Variants in SCMH1 observed in about 807,000 individuals in gnomAD.
SCMH1 encodes the protein polycomb protein SCMH1.
Under a neutral mutation model 70.8 loss-of-function variants are expected in SCMH1, and 37 were observed. The observed-to-expected ratio is 0.52, with a 90% confidence interval of 0.40 to 0.69. The LOEUF (loss-of-function observed/expected upper bound fraction) is 0.69. Ranked by LOEUF, SCMH1 falls within the 30% of genes least tolerant of loss-of-function variation. The probability of loss-of-function intolerance (pLI) is 0.00; values close to 1 mark genes in which losing one functional copy is unlikely to be tolerated. For missense variants in SCMH1, 607 were observed against 827.3 expected (o/e 0.73, Z 3.27); for synonymous variants, 292 against 307.4 (o/e 0.95, Z 0.52).
At chr1:41,071,677 T>TA (rs1047737640) in intron 9 of SCMH1, among the ~76,000 whole-genome samples, 3 of 151,754 alleles carry the variant, frequency 2.0e-5, no homozygotes, top group African/African-American at 7.3e-5. Context: ...AAGCCTTTTT[T>TA]TTTGAGACAG....
At chr1:41,179,640 T>A (rs186113385) in intron 2 of SCMH1, among the ~76,000 whole-genome samples, 42 of 152,228 alleles carry the variant, frequency 2.8e-4, no homozygotes, top group African/African-American at 9.9e-4. Flanking sequence ...CCTCGACACA[T>A]ACACCCTCCC....
chr1:41,053,609 C>T (rs961207342), intron 10 of SCMH1, among the ~76,000 whole-genome samples: 2 of 152,184 alleles, frequency 1.3e-5, no homozygotes, highest in African/African-American at 4.8e-5. Flanking sequence ...CCAGGCCTGC[C>T]CACATTGTTG....
At chr1:41,034,502 T>A (rs1571207938) in intron 13 of SCMH1, among the ~76,000 whole-genome samples, 1 of 152,044 alleles carries the variant, frequency 6.6e-6, no homozygotes, top group East Asian at 1.9e-4. Flanking sequence ...TAATTTTTTG[T>A]ATTTTCAATA....
At chr1:41,095,075 C>T (rs142114141) in intron 8 of SCMH1, among the ~76,000 whole-genome samples, 81 of 152,166 alleles carry the variant, frequency 5.3e-4, no homozygotes, top group African/African-American at 2.0e-3. Context: ...GATAAATTAT[C>T]GCTACCAGTT....
rs576516829 is a variant in SCMH1 at position 41,037,802 on chromosome 1, T to C, written c.1499-261A>G. Among the ~76,000 whole-genome samples, 323 of 152,356 alleles carry C rather than the reference T, an allele frequency of 2.1e-3. 2 individuals are homozygous for C. Among genetic ancestry groups the C allele is most frequent in the Non-Finnish European group, 3.3e-3 (225 of 68,034 alleles). ...GAGGCTTTTTCTGGTCTAGATGCCC[T>C]ATGCTTTTTCTTGATAAGGAACATC... is the stretch of plus-strand genomic sequence containing the variant. On this transcript the variant is annotated intron_variant, in intron 12 of 14. Coordinates refer to ENST00000337495, the Ensembl canonical transcript of SCMH1.
intron 8 of SCMH1, among the ~76,000 whole-genome samples, chr1:41,098,225 A>T (rs765074700): frequency 3.3e-5 from 5 of 152,224 alleles, no homozygotes; most frequent in African/African-American, 4.8e-5. Flanking sequence ...CATAAACTGA[A>T]ACTTTTAAAT....
intron 8 of SCMH1, among the ~76,000 whole-genome samples, chr1:41,104,983 T>C (rs1323548762): frequency 6.6e-6 from 1 of 152,144 alleles, no homozygotes; most frequent in African/African-American, 2.4e-5. Context: ...GAGATGGAGT[T>C]TCACTCTTGT....
chr1:41,198,215 T>G (rs1386108395), intron 1 of SCMH1, among the ~76,000 whole-genome samples: 1 of 152,186 alleles, frequency 6.6e-6, no homozygotes, highest in Non-Finnish European at 1.5e-5. Context: ...TCACAGTCCA[T>G]TCTTTGTCTC....
At chr1:41,079,028 G>T (rs1659179770) in intron 8 of SCMH1, among the ~76,000 whole-genome samples, 1 of 152,150 alleles carries the variant, frequency 6.6e-6, no homozygotes. Context: ...TGCATTATTT[G>T]GGAGTAGTTA....
intron 10 of SCMH1, among the ~76,000 whole-genome samples, chr1:41,067,162 C>T (rs1254289359): frequency 1.3e-5 from 2 of 152,014 alleles, no homozygotes; most frequent in African/African-American, 2.4e-5. Context: ...AATGAGCTAT[C>T]GGCCAGGCGT....
chr1:41,220,977 A>T (rs912586934), intron 1 of SCMH1, among the ~76,000 whole-genome samples: 1 of 147,156 alleles, frequency 6.8e-6, no homozygotes. Context: ...CTTTAGTCTC[A>T]TCTTTTTTAA....
At chr1:41,155,984 C>CAAAAAAAAAA (rs386366781) in intron 4 of SCMH1, among the ~76,000 whole-genome samples, 74 of 74,626 alleles carry the variant, frequency 9.9e-4, no homozygotes, top group African/African-American at 4.3e-3. Flanking sequence ...GACTCCGTCT[C>CAAAAAAAAAA]AAAAAAAAAA....
chr1:41,152,156 G>A (rs1478088765), intron 4 of SCMH1, among the ~76,000 whole-genome samples: 1 of 152,140 alleles, frequency 6.6e-6, no homozygotes, highest in Non-Finnish European at 1.5e-5. Flanking sequence ...AGGCTGTCTA[G>A]AGACAAGGGG....
intron 1 of SCMH1, among the ~76,000 whole-genome samples, chr1:41,220,983 TTTAA>T (rs143534450): frequency 0.15 from 22,592 of 152,186 alleles, 2,150 homozygotes; most frequent in Non-Finnish European, 0.21. Context: ...TCTCATCTTT[TTTAA>T]TTGTCAAATG....
intron 6 of SCMH1, among the ~76,000 whole-genome samples, chr1:41,133,628 A>C (rs1157024607): frequency 6.6e-6 from 1 of 152,238 alleles, no homozygotes; most frequent in Non-Finnish European, 1.5e-5. Flanking sequence ...CCACAGAAAT[A>C]CAAACTACCA....
intron 6 of SCMH1, among the ~76,000 whole-genome samples, chr1:41,128,000 A>T (rs1673652416): frequency 6.6e-6 from 1 of 152,196 alleles, no homozygotes; most frequent in Non-Finnish European, 1.5e-5. Flanking sequence ...GCCTCAGCAG[A>T]CTACCACACT....
At chr1:41,205,281 T>G (rs536853944) in intron 1 of SCMH1, among the ~76,000 whole-genome samples, 1 of 152,214 alleles carries the variant, frequency 6.6e-6, no homozygotes, top group Non-Finnish European at 1.5e-5. Flanking sequence ...GGATTTCCCT[T>G]TCCTAGCCAA....
At chr1:41,109,963 G>A (rs1412672281) in intron 8 of SCMH1, among the ~76,000 whole-genome samples, 2 of 152,122 alleles carry the variant, frequency 1.3e-5, no homozygotes, top group Non-Finnish European at 2.9e-5. Context: ...ACTGAATAAA[G>A]CCCAGAGCAC....
chr1:41,206,951 G>T lies in SCMH1; in HGVS notation c.-117-20701C>A, dbSNP rs548478182. 4.6e-5 allele frequency among the ~76,000 whole-genome samples: 7 copies of T among 152,286 alleles called. No individual in the cohort carries two copies. The East Asian group carries it at 1.2e-3, about 25-fold the overall frequency. ...TATCCCGCCAAACTAAGCTTCATAA[G>T]TGAAGGAGAAATAAAATCCTTTACA... On this transcript the variant is annotated intron_variant, in intron 1 of 14. Transcript: ENST00000337495.
Sources: allele counts gnomAD v4.1 joint callset (sites outside exome capture counted in the v4.1 genomes callset), GRCh38; gene constraint gnomAD v4.1.1; transcripts MANE v1.5; gene names NCBI Gene and HGNC (gene_info 2026-07-23, HGNC 2026-07-21).